The following BCAR3 variants were observed in gnomAD, a reference collection of about 807,000 sequenced individuals.
BCAR3 encodes the protein breast cancer anti-estrogen resistance protein 3.
BCAR3 carries 37 observed loss-of-function variants against 80.1 expected under a neutral mutation model. That is an observed-to-expected ratio of 0.46 (90% CI 0.36 to 0.61). The LOEUF is 0.61. Among genes scored for constraint, BCAR3 ranks in the 20% least tolerant of loss-of-function variants. BCAR3 has a pLI of 0.00. For missense variants in BCAR3, 978 were observed against 1,068.2 expected (o/e 0.92, Z 1.18); for synonymous variants, 389 against 418.9 (o/e 0.93, Z 0.87).
chr1:93,752,993 G>C (rs865836232), intron 2 of BCAR3: 2 of 152,156 alleles, frequency 1.3e-5, no homozygotes, highest in Non-Finnish European at 2.9e-5. Flanking sequence ...CAGATGGCCC[G>C]TGATGAATCA....
At chr1:93,747,602 T>A (rs1209622757) in intron 2 of BCAR3, among the ~76,000 whole-genome samples, 1 of 151,598 alleles carries the variant, frequency 6.6e-6, no homozygotes, top group Non-Finnish European at 1.5e-5. Flanking sequence ...ACCTGCCCTA[T>A]CAAAACAGCC....
At chr1:93,618,952 T>A (rs76708297) in intron 3 of BCAR3, among the ~76,000 whole-genome samples, 45 of 151,060 alleles carry the variant, frequency 3.0e-4, no homozygotes, top group Non-Finnish European at 5.5e-4. Context: ...TTTTTTTTTT[T>A]AATCTGAGAC....
rs759724227 is a variant in BCAR3, at chr1:93,582,659, C to T, written c.1328G>A (p.Gly443Glu). The T allele has an allele frequency of 3.7e-6, 6 of 1,613,918 alleles. No individual in the cohort carries two copies. Among genetic ancestry groups the T allele is most frequent in the African/African-American group, 1.3e-5 (1 of 74,878 alleles). Residue 443 changes from glycine (G) to glutamate (E), a missense_variant, in exon 7 of 12, where the codon GGA (glycine) becomes GAA (glutamate). By Grantham distance (98) the Gly-to-Glu change is moderately conservative (BLOSUM62 -2). Coordinates refer to ENST00000260502, the MANE Select transcript of BCAR3 (RefSeq NM_003567.4). ...CTGGGCACATGAGGGTAGCTTTGCT[C>T]CCCTGCCGCAGCCTGTGGCAAACGC... ...NPAFATGCGR[G>E]AKLPSCAQGS... is the part of the protein sequence containing the mutation.
At chr1:93,665,194 T>C (rs1647843930) in intron 2 of BCAR3, among the ~76,000 whole-genome samples, 1 of 152,132 alleles carries the variant, frequency 6.6e-6, no homozygotes, top group South Asian at 2.1e-4. Flanking sequence ...GCAGTGTCCA[T>C]GTACCTCCTC....
Position 93,791,124 on chromosome 1 carries a change from G to C in BCAR3, c.-63+54443C>G, listed in dbSNP as rs1386233637. ...TGCCGCAATAAACATACGTGTGCATGTGTCTTTATAGCAGCATGATTTATA... is the reference window on the plus strand; with the variant it reads ...TGCCGCAATAAACATACGTGTGCATCTGTCTTTATAGCAGCATGATTTATA... On this transcript the variant is annotated intron_variant, in intron 2 of 13. Transcript: ENST00000370244. 2.7e-4 allele frequency among the ~76,000 whole-genome samples: 22 copies of C among 80,992 alleles called. 7 individuals are homozygous for C. Among genetic ancestry groups the C allele is most frequent in the Admixed American group, 4.0e-4 (3 of 7,592 alleles). The allele number at this position is 80,992 out of a possible 152,430, so 53.1% of individuals were successfully genotyped here.
intron 3 of BCAR3, among the ~76,000 whole-genome samples, chr1:93,621,550 G>A (rs1281258548): frequency 1.3e-5 from 2 of 152,162 alleles, no homozygotes; most frequent in African/African-American, 2.4e-5. Flanking sequence ...TGGCCACCTT[G>A]CACACACCCG....
chr1:93,841,822 A>G (rs1557706904), intron 2 of BCAR3, among the ~76,000 whole-genome samples: 3 of 151,224 alleles, frequency 2.0e-5, no homozygotes, highest in Non-Finnish European at 4.4e-5. Flanking sequence ...GACCTTCTTT[A>G]CCAGCACCTG....
At chr1:93,724,053 C>A (rs970671899) in intron 2 of BCAR3, among the ~76,000 whole-genome samples, 8 of 152,198 alleles carry the variant, frequency 5.3e-5, no homozygotes, top group African/African-American at 1.9e-4. Context: ...CCAGTAGGAG[C>A]TTTTGATGAA....
At chr1:93,738,106 T>C (rs1055775003) in intron 2 of BCAR3, among the ~76,000 whole-genome samples, 4 of 152,064 alleles carry the variant, frequency 2.6e-5, no homozygotes, top group Non-Finnish European at 5.9e-5. Context: ...AGTGCTGGGG[T>C]TACAAGCATG....
intron 2 of BCAR3, among the ~76,000 whole-genome samples, chr1:93,742,793 C>A (rs936180440): frequency 3.3e-5 from 5 of 151,972 alleles, no homozygotes; most frequent in African/African-American, 1.2e-4. Context: ...TTTTGTAAAC[C>A]TACTATTTCA....
At chr1:93,697,529 G>A (rs1243999361) in intron 3 of BCAR3, among the ~76,000 whole-genome samples, 2 of 152,208 alleles carry the variant, frequency 1.3e-5, no homozygotes, top group Non-Finnish European at 1.5e-5. Context: ...ATCAGCCTTG[G>A]ATAGGTGGGG....
intron 2 of BCAR3, among the ~76,000 whole-genome samples, chr1:93,648,121 G>T (rs1480519368): frequency 6.6e-6 from 1 of 152,052 alleles, no homozygotes; most frequent in African/African-American, 2.4e-5. Flanking sequence ...GGGTGCCAGT[G>T]GACTATCTCT....
At chr1:93,780,077 AG>A (rs1278725497) in intron 2 of BCAR3, among the ~76,000 whole-genome samples, 1 of 152,156 alleles carries the variant, frequency 6.6e-6, no homozygotes, top group Admixed American at 6.5e-5. Flanking sequence ...GGCCTGCTTA[AG>A]GTAGACAACA....
At chr1:93,670,181 T>C (rs555247303) in intron 2 of BCAR3, among the ~76,000 whole-genome samples, 198 of 152,348 alleles carry the variant, frequency 1.3e-3, no homozygotes, top group Admixed American at 2.9e-3. Context: ...GAGGAAATCC[T>C]GTCTGCAGAC....
chr1:93,562,233 G>A lies in BCAR3; in HGVS notation c.*8C>T, dbSNP rs924441966. 6.2e-7 allele frequency: 1 copy of A among 1,611,130 alleles called. No homozygotes were observed. Among genetic ancestry groups the A allele is most frequent in the African/African-American group, 1.3e-5 (1 of 74,936 alleles). ...GAAAAGATATTCTAAAGGTTCTCTG[G>A]AGAGTTATCAAAGCTCTGCCTGCTT... On this transcript the variant is annotated 3_prime_UTR_variant, in exon 12 of 12. Coordinates refer to ENST00000260502, the MANE Select transcript of BCAR3 (RefSeq NM_003567.4).
At chr1:93,827,579 T>C (rs563995434) in intron 2 of BCAR3, among the ~76,000 whole-genome samples, 11 of 152,008 alleles carry the variant, frequency 7.2e-5, no homozygotes, top group Non-Finnish European at 1.5e-4. Flanking sequence ...ATTTTACAAG[T>C]GAGGACACTG....
intron 2 of BCAR3, among the ~76,000 whole-genome samples, chr1:93,788,075 T>C (rs950193103): frequency 6.6e-6 from 1 of 152,210 alleles, no homozygotes; most frequent in Non-Finnish European, 1.5e-5. Flanking sequence ...TGTCCTTCTT[T>C]GTCTTTTTTT....
chr1:93,562,050 A>G lies in BCAR3; in HGVS notation c.*191T>C. The G allele has an allele frequency of 2.2e-6, 1 of 464,286 alleles. No individual in the cohort carries two copies. The highest frequency in any genetic ancestry group is 3.5e-5 in the East Asian group (1 of 28,294). The allele number at this position is 464,286 out of a possible 1,614,324, so 28.8% of individuals were successfully genotyped here. On this transcript the variant is annotated 3_prime_UTR_variant, in exon 12 of 12. Transcript: ENST00000260502. ...TTAATAATAAATTATTCATTTTAAA[A>G]TCAGTAGTAACTTTAGACAATTCAT...
At chr1:93,847,432 G>A (rs1179944692), upstream of BCAR3, 1 of 152,764 alleles carries the variant, frequency 6.5e-6, no homozygotes, top group Non-Finnish European at 1.5e-5. Flanking sequence ...GAGAGCCTGC[G>A]GCTGGCGTTT....
Sources: gnomAD v4.1 joint callset for allele counts (sites outside exome capture counted in the v4.1 genomes callset) on GRCh38, gnomAD v4.1.1 for gene constraint, MANE v1.5 for transcripts, NCBI Gene and HGNC (gene_info 2026-07-23, HGNC 2026-07-21) for gene names.